SDK1: variants seen among roughly 807,000 people sequenced by gnomAD.
The protein encoded by SDK1 is sidekick cell adhesion molecule 1.
Under a neutral mutation model 245.5 loss-of-function variants are expected in SDK1, and 157 were observed. The ratio of observed to expected loss-of-function variants is 0.64; its 90% CI spans 0.56 to 0.73. SDK1 has a LOEUF of 0.73. SDK1 is among the 30% of genes least tolerant of loss of function. SDK1 has a pLI of 0.00. For missense variants in SDK1, 3,583 were observed against 3,002.3 expected, an observed-to-expected ratio of 1.19 and a Z score of -4.52; for synonymous variants, 1,647 against 1,278.5, an observed-to-expected ratio of 1.29 and a Z score of -6.15.
chr7:4,247,475 A>G (rs1786959358), intron 44 of SDK1, among the ~76,000 whole-genome samples: 1 of 152,214 alleles, frequency 6.6e-6, no homozygotes, highest in South Asian at 2.1e-4. Flanking sequence ...TGTGATAAAG[A>G]AAAAGCTTAT....
rs55816251 is a variant in SDK1, at chr7:3,904,075, A to G, written c.848-46848A>G. Among the ~76,000 whole-genome samples, 829 of 152,322 alleles carry G rather than the reference A, an allele frequency of 5.4e-3. 6 individuals are homozygous for G. Among genetic ancestry groups the G allele is most frequent in the African/African-American group, 0.019 (773 of 41,572 alleles). On this transcript the variant is annotated intron_variant, in intron 5 of 44. Coordinates refer to ENST00000404826, the MANE Select transcript of SDK1 (RefSeq NM_152744.4). ...TGAGCCAACTACACCTCTTTTCTTT[A>G]TAAACCACCCAGTCTCAGGTATTCT...
At chr7:3,578,232 C>A (rs181801974) in intron 1 of SDK1, among the ~76,000 whole-genome samples, 1 of 151,904 alleles carries the variant, frequency 6.6e-6, no homozygotes, top group East Asian at 1.9e-4. Flanking sequence ...CCACCTGAGC[C>A]GCAAAACCAG....
chr7:3,919,340 T>C (rs1172697437), intron 5 of SDK1, among the ~76,000 whole-genome samples: 2 of 152,238 alleles, frequency 1.3e-5, no homozygotes, highest in Non-Finnish European at 2.9e-5. Context: ...GTCTTGCTCT[T>C]GCTCTTTAAG....
intron 21 of SDK1, among the ~76,000 whole-genome samples, chr7:4,077,532 T>G (rs1381650757): frequency 1.3e-5 from 2 of 152,194 alleles, no homozygotes; most frequent in East Asian, 3.8e-4. Flanking sequence ...TAGTCCATTT[T>G]CATGCTGCTG....
intron 1 of SDK1, among the ~76,000 whole-genome samples, chr7:3,610,128 A>G (rs1016774064): frequency 1.3e-5 from 2 of 152,230 alleles, no homozygotes; most frequent in African/African-American, 4.8e-5. Flanking sequence ...TTGGACTTAG[A>G]TGTCCTTTCA....
chr7:3,768,579 G>A (rs929087438), intron 4 of SDK1, among the ~76,000 whole-genome samples: 3 of 152,174 alleles, frequency 2.0e-5, no homozygotes, highest in Non-Finnish European at 4.4e-5. Context: ...GAATGTCTTA[G>A]AATTGCTTCT....
Position 3,975,423 on chromosome 7 carries a change from C to G in SDK1, c.1994+878C>G, listed in dbSNP as rs559265947. Reference sequence around the variant, plus strand: ...GGCAATCTTGAGAGATTTTTCCTCACTGGACCCTGCCCCCTTTGATCCAGG... The same window carrying G: ...GGCAATCTTGAGAGATTTTTCCTCAGTGGACCCTGCCCCCTTTGATCCAGG... On this transcript the variant is annotated intron_variant, in intron 13 of 44. Transcript: ENST00000404826. 7.2e-5 allele frequency among the ~76,000 whole-genome samples: 11 copies of G among 152,294 alleles called. 1 individual carries two copies. The South Asian group carries it at 2.3e-3, about 32-fold the overall frequency.
intron 32 of SDK1, among the ~76,000 whole-genome samples, chr7:4,169,402 C>T (rs966463750): frequency 6.6e-6 from 1 of 152,206 alleles, no homozygotes; most frequent in Admixed American, 6.5e-5. Flanking sequence ...ATGCCCCTCG[C>T]TCCCGTCTAG....
intron 1 of SDK1, among the ~76,000 whole-genome samples, chr7:3,595,857 CAACAACAAAAAAG>C (rs1781042137): frequency 1.7e-5 from 1 of 58,200 alleles, no homozygotes; most frequent in Non-Finnish European, 3.6e-5. Flanking sequence ...AAAAAAAAAA[CAACAACAAAAAAG>C]GAGGTTACAG....
chr7:3,943,829 G>A lies in SDK1; in HGVS notation c.848-7094G>A, dbSNP rs182205844. ...TATGAGTAAAGAGGTTCATGTGGGGGAAATTGACTAGGATTAGGCTTCATT... is the reference window on the plus strand; with the variant it reads ...TATGAGTAAAGAGGTTCATGTGGGGAAAATTGACTAGGATTAGGCTTCATT... On this transcript the variant is annotated intron_variant, in intron 5 of 44. Transcript: ENST00000404826. 7.9e-5 allele frequency among the ~76,000 whole-genome samples: 12 copies of A among 152,272 alleles called. No homozygotes were observed. The East Asian group carries it at 2.3e-3, about 29-fold the overall frequency.
chr7:3,381,003 TAATA>T (rs780729249), intron 1 of SDK1, among the ~76,000 whole-genome samples: 1 of 152,160 alleles, frequency 6.6e-6, no homozygotes, highest in African/African-American at 2.4e-5. Context: ...AGAGTTCTGT[TAATA>T]AATAAGGAGA....
chr7:3,881,527 A>G (rs1042412025), intron 5 of SDK1, among the ~76,000 whole-genome samples: 2 of 152,156 alleles, frequency 1.3e-5, no homozygotes, highest in African/African-American at 4.8e-5. Flanking sequence ...GGTTGACTCC[A>G]TGTCTTTGCT....
chr7:3,689,522 T>C (rs1415029035), intron 4 of SDK1, among the ~76,000 whole-genome samples: 1 of 152,256 alleles, frequency 6.6e-6, no homozygotes, highest in East Asian at 1.9e-4. Context: ...TTTTTTGTTA[T>C]ATGAGAAAAT....
intron 1 of SDK1, among the ~76,000 whole-genome samples, chr7:3,391,635 ATTTT>A (rs10667421): frequency 1.2e-4 from 16 of 130,318 alleles, no homozygotes; most frequent in African/African-American, 2.0e-4. Context: ...CTGTTAACTG[ATTTT>A]TTTTTTTTTT....
At chr7:3,950,191 G>T (rs1486999002) in intron 5 of SDK1, among the ~76,000 whole-genome samples, 3 of 152,236 alleles carry the variant, frequency 2.0e-5, no homozygotes, top group African/African-American at 4.8e-5. Context: ...GCTGTGGATT[G>T]TGCCTGAGGA....
chr7:3,390,396 G>A (rs930006467), intron 1 of SDK1, among the ~76,000 whole-genome samples: 3 of 152,092 alleles, frequency 2.0e-5, no homozygotes, highest in South Asian at 2.1e-4. Flanking sequence ...TACAGTTATC[G>A]AAGCCAATAT....
chr7:3,541,694 A>G (rs1174264124), intron 1 of SDK1, among the ~76,000 whole-genome samples: 4 of 152,188 alleles, frequency 2.6e-5, no homozygotes, highest in African/African-American at 9.7e-5. Flanking sequence ...TTCTGCATCT[A>G]GGCATGTATC....
chr7:4,207,516 C>T (rs1484545955), intron 36 of SDK1, among the ~76,000 whole-genome samples: 1 of 152,184 alleles, frequency 6.6e-6, no homozygotes, highest in East Asian at 1.9e-4. Context: ...GCCCTGAGCC[C>T]AACATAGTTC....
At chr7:4,050,419 TC>T (rs1583946518) in intron 18 of SDK1, among the ~76,000 whole-genome samples, 1 of 152,250 alleles carries the variant, frequency 6.6e-6, no homozygotes, top group East Asian at 1.9e-4. Context: ...TTTGCCTTCT[TC>T]CCTCTCCTGT....
Sources: gnomAD v4.1 joint callset for allele counts (sites outside exome capture counted in the v4.1 genomes callset) on GRCh38, gnomAD v4.1.1 for gene constraint, MANE v1.5 for transcripts, NCBI Gene and HGNC (gene_info 2026-07-23, HGNC 2026-07-21) for gene names.